Variants in DOCK2 observed in about 807,000 individuals in gnomAD.
DOCK2 encodes dedicator of cytokinesis protein 2.
A neutral mutation model predicts 248.9 loss-of-function variants in DOCK2; 87 were observed. The ratio of observed to expected loss-of-function variants is 0.35; its 90% CI spans 0.29 to 0.42. The LOEUF (loss-of-function observed/expected upper bound fraction) is 0.42. Among genes scored for constraint, DOCK2 ranks in the 10% least tolerant of loss-of-function variants. DOCK2 has a pLI of 1.00. For missense variants in DOCK2, 1,747 were observed against 2,300.2 expected (o/e 0.76, Z 4.92); for synonymous variants, 805 against 821.6 (o/e 0.98, Z 0.35).
At chr5:169,822,864 G>A (rs925616898) in intron 26 of DOCK2, among the ~76,000 whole-genome samples, 2 of 152,092 alleles carry the variant, frequency 1.3e-5, no homozygotes, top group Non-Finnish European at 2.9e-5. Context: ...AAAATTGATA[G>A]ACCACTAGCA....
intron 44 of DOCK2, among the ~76,000 whole-genome samples, chr5:170,060,115 G>A (rs1293396565): frequency 1.3e-5 from 2 of 152,178 alleles, no homozygotes; most frequent in Non-Finnish European, 2.9e-5. Context: ...GGCATTTTCT[G>A]ATGAGCTTCA....
intron 1 of DOCK2, among the ~76,000 whole-genome samples, chr5:169,640,352 C>G (rs1757084498): frequency 6.6e-6 from 1 of 152,174 alleles, no homozygotes; most frequent in Non-Finnish European, 1.5e-5. Context: ...TGAAGCTGAG[C>G]CTGCCAGGCA....
rs72841138 is a variant in DOCK2 at position 169,689,340 on chromosome 5, G to T, written c.843+7G>T. 1 of 1,613,494 alleles carries T rather than the reference G, an allele frequency of 6.2e-7. No homozygotes were observed. Among genetic ancestry groups the T allele is most frequent in the African/African-American group, 1.3e-5 (1 of 74,878 alleles). The stretch of plus-strand genomic sequence containing the variant: ...TCTGAAGGTGGTCTTCACGGTGAGT[G>T]TGCACCCTCTTCTCGTTACCGTGCT... On this transcript the variant is annotated splice_region_variant and intron_variant, in intron 9 of 51. Coordinates refer to ENST00000520908, the MANE Select transcript of DOCK2 (RefSeq NM_004946.3).
intron 27 of DOCK2, among the ~76,000 whole-genome samples, chr5:169,874,339 G>A (rs985969937): frequency 1.3e-5 from 2 of 151,192 alleles, no homozygotes; most frequent in Admixed American, 6.6e-5. Context: ...CTTAAACCTG[G>A]GAGGCAGAGG....
intron 50 of DOCK2, 99 bp from the exon 51 acceptor site, chr5:170,081,743 T>A: frequency 7.5e-7 from 1 of 1,327,094 alleles, no homozygotes; most frequent in Non-Finnish European, 1.0e-6. Flanking sequence ...GATCCCTGGA[T>A]GCTGGCTCTG....
chr5:170,082,959 T>C lies in DOCK2; in HGVS notation c.*101T>C. On this transcript the variant is annotated 3_prime_UTR_variant, in exon 52 of 52. Coordinates refer to ENST00000520908, the MANE Select transcript of DOCK2 (RefSeq NM_004946.3). ...CGAAGCCTCAGAGAGTGGGAGACTG[T>C]CCCCATCAGTTGTCCTTACTTAGAG... The C allele has an allele frequency of 6.8e-7, 1 of 1,474,378 alleles. No homozygotes were observed. Among genetic ancestry groups the C allele is most frequent in the African/African-American group, 1.4e-5 (1 of 72,406 alleles). 91.3% of individuals were successfully genotyped at this position (1,474,378 alleles called of 1,614,324 possible). A position where few individuals can be genotyped will look rare whatever the true frequency, so the allele number is the denominator to read the frequency against.
intron 1 of DOCK2, among the ~76,000 whole-genome samples, chr5:169,638,774 A>G (rs779826114): frequency 2.6e-5 from 4 of 152,218 alleles, no homozygotes; most frequent in African/African-American, 4.8e-5. Flanking sequence ...GTCTGACTTC[A>G]GAACCCCCAT....
chr5:169,936,381 C>A (rs897913586), intron 27 of DOCK2, among the ~76,000 whole-genome samples: 2 of 151,968 alleles, frequency 1.3e-5, no homozygotes, highest in African/African-American at 4.8e-5. Context: ...ACTTATCTGG[C>A]CATTTTAGGA....
chr5:169,970,466 C>A (rs1185899387), intron 27 of DOCK2, among the ~76,000 whole-genome samples: 1 of 152,170 alleles, frequency 6.6e-6, no homozygotes, highest in Non-Finnish European at 1.5e-5. Flanking sequence ...GGTCAGGGGA[C>A]TGCTGTTTGA....
At chr5:169,751,463 TG>T (rs1247332217) in intron 23 of DOCK2, among the ~76,000 whole-genome samples, 2 of 152,194 alleles carry the variant, frequency 1.3e-5, no homozygotes, top group African/African-American at 4.8e-5. Flanking sequence ...AAGTGCTGGC[TG>T]GGTGCAGAGG....
At chr5:169,762,833 A>G (rs553842177) in intron 25 of DOCK2, among the ~76,000 whole-genome samples, 1 of 152,376 alleles carries the variant, frequency 6.6e-6, no homozygotes, top group South Asian at 2.1e-4. Flanking sequence ...AGGATCAGCC[A>G]TCACCCAACT....
Position 170,022,717 on chromosome 5 carries a change from G to T in DOCK2, c.3381+3609G>T, listed in dbSNP as rs910270687. 2.0e-5 allele frequency among the ~76,000 whole-genome samples: 3 copies of T among 151,916 alleles called. No homozygotes were observed. In the South Asian group the frequency reaches 6.4e-4, roughly 32 times the overall value. On this transcript the variant is annotated intron_variant, in intron 33 of 51. Coordinates refer to ENST00000520908, the MANE Select transcript of DOCK2 (RefSeq NM_004946.3). ...GCGGTCATCACACTTGTCCCACACA[G>T]CACAATTACCTGCTCATAGGTCTGT...
chr5:169,998,091 C>T (rs1477359952), intron 30 of DOCK2: 4 of 455,438 alleles, frequency 8.8e-6, no homozygotes, highest in Admixed American at 4.7e-5. Flanking sequence ...TGACTCCTCC[C>T]TGAGGATCAC....
At chr5:170,062,335 C>A (rs1327092545) in intron 44 of DOCK2, among the ~76,000 whole-genome samples, 1 of 152,094 alleles carries the variant, frequency 6.6e-6, no homozygotes, top group Non-Finnish European at 1.5e-5. Context: ...CCTCCACCCC[C>A]AAATGCACCA....
In DOCK2 at chr5:169,983,185, G is replaced by A. The variant is rs745410406; in HGVS notation, c.2898+19G>A. 6.2e-6 allele frequency: 10 copies of A among 1,613,004 alleles called. No individual in the cohort carries two copies. The African/African-American group carries it at 6.7e-5, about 11-fold the overall frequency. Reference sequence around the variant, plus strand: ...ACTTGTGGTGAGTCTGCAGGATGCTGGGGGTGAGGAAGAACTCTTCCATCT... The same window carrying A: ...ACTTGTGGTGAGTCTGCAGGATGCTAGGGGTGAGGAAGAACTCTTCCATCT... On this transcript the variant is annotated intron_variant, in intron 28 of 51. Coordinates refer to ENST00000520908, the MANE Select transcript of DOCK2 (RefSeq NM_004946.3).
At chr5:170,053,752 G>C (rs536626760) in intron 41 of DOCK2, among the ~76,000 whole-genome samples, 1 of 152,334 alleles carries the variant, frequency 6.6e-6, no homozygotes, top group East Asian at 1.9e-4. Context: ...GCAGAAACAG[G>C]CATCAGAAGT....
At chr5:169,823,263 C>T (rs1768599304) in intron 26 of DOCK2, among the ~76,000 whole-genome samples, 1 of 152,204 alleles carries the variant, frequency 6.6e-6, no homozygotes, top group African/African-American at 2.4e-5. Context: ...CTCCCTAACT[C>T]ATTTTACGAG....
At chr5:170,081,802 C>T (rs766212521) in intron 50 of DOCK2, 40 bp from the exon 51 acceptor site, 5 of 1,575,890 alleles carry the variant, frequency 3.2e-6, no homozygotes, top group Non-Finnish European at 4.3e-6. Context: ...TGCCCCTCCT[C>T]TACCCACCCA....
intron 26 of DOCK2, among the ~76,000 whole-genome samples, chr5:169,835,995 A>G (rs1769557935): frequency 2.6e-5 from 4 of 152,254 alleles, no homozygotes; most frequent in South Asian, 2.1e-4. Flanking sequence ...GGCTCATGCA[A>G]TCTTCCCGCC....
Sources: gnomAD v4.1 joint callset for allele counts (sites outside exome capture counted in the v4.1 genomes callset) on GRCh38, gnomAD v4.1.1 for gene constraint, MANE v1.5 for transcripts, NCBI Gene and HGNC (gene_info 2026-07-23, HGNC 2026-07-21) for gene names.